The following HDAC9 variants were observed in gnomAD, a reference collection of about 807,000 sequenced individuals.
The protein encoded by HDAC9 is MEF-2 interacting transcription repressor (MITR) protein.
Under a neutral mutation model 139.4 loss-of-function variants are expected in HDAC9, and 41 were observed. That is an observed-to-expected ratio of 0.29 (90% CI 0.23 to 0.38). The LOEUF is 0.38. Ranked by LOEUF, HDAC9 falls within the 10% of genes least tolerant of loss-of-function variation. The pLI, the probability that HDAC9 is intolerant of heterozygous loss-of-function variation, is 1.00. For synonymous variants in HDAC9, 517 were observed against 476.2 expected (o/e 1.09, Z -1.12); for missense variants, 1,147 against 1,297.0 (o/e 0.88, Z 1.78).
chr7:18,729,707 T>C (rs1018345916), intron 13 of HDAC9, among the ~76,000 whole-genome samples: 6 of 152,154 alleles, frequency 3.9e-5, no homozygotes, highest in Non-Finnish European at 8.8e-5. Context: ...GTCAACATTT[T>C]AGTATTTATC....
At chr7:18,231,176 T>A (rs1186155868) in intron 2 of HDAC9, among the ~76,000 whole-genome samples, 1 of 152,164 alleles carries the variant, frequency 6.6e-6, no homozygotes, top group African/African-American at 2.4e-5. Flanking sequence ...TTAGCTGGGA[T>A]CCCAGAACAG....
chr7:18,604,051 T>C (rs925071686), intron 6 of HDAC9, among the ~76,000 whole-genome samples: 4 of 152,146 alleles, frequency 2.6e-5, no homozygotes, highest in African/African-American at 9.6e-5. Context: ...AAGATCTCTT[T>C]ATCTTTTATC....
chr7:18,742,909 C>G (rs1285712151), intron 13 of HDAC9, among the ~76,000 whole-genome samples: 2 of 151,926 alleles, frequency 1.3e-5, no homozygotes, highest in Non-Finnish European at 2.9e-5. Flanking sequence ...CTATCTCTGC[C>G]TTTAGCTTTG....
intron 2 of HDAC9, among the ~76,000 whole-genome samples, chr7:18,177,233 C>T (rs183757977): frequency 2.6e-5 from 4 of 152,256 alleles, no homozygotes; most frequent in Non-Finnish European, 4.4e-5. Flanking sequence ...AAATTGGGTA[C>T]ACCCTGTTAG....
intron 6 of HDAC9, among the ~76,000 whole-genome samples, chr7:18,626,154 G>C (rs1460382124): frequency 2.0e-5 from 3 of 151,998 alleles, no homozygotes; most frequent in African/African-American, 4.8e-5. Context: ...AAAGAAGAGA[G>C]GGGAGGAAAT....
intron 1 of HDAC9, among the ~76,000 whole-genome samples, chr7:18,388,249 C>A (rs1026226414): frequency 1.3e-5 from 2 of 152,076 alleles, no homozygotes; most frequent in Non-Finnish European, 2.9e-5. Context: ...ATTTATGTTC[C>A]CAGTACCCCT....
intron 6 of HDAC9, among the ~76,000 whole-genome samples, chr7:18,596,335 C>G (rs1161046143): frequency 1.3e-5 from 2 of 152,058 alleles, no homozygotes; most frequent in African/African-American, 2.4e-5. Flanking sequence ...TTTCTATACT[C>G]TATCTAAAAT....
intron 21 of HDAC9, among the ~76,000 whole-genome samples, chr7:18,860,903 C>G (rs1798054922): frequency 1.3e-5 from 2 of 152,160 alleles, no homozygotes; most frequent in Admixed American, 1.3e-4. Context: ...TCTCCACACC[C>G]TTGTAGCTCA....
chr7:18,604,571 T>C (rs1177695967), intron 6 of HDAC9, among the ~76,000 whole-genome samples: 6 of 152,064 alleles, frequency 3.9e-5, no homozygotes, highest in Admixed American at 3.9e-4. Context: ...TAATTTTTTT[T>C]TTTAATTTTT....
chr7:18,817,038 G>GTT (rs11308990), intron 17 of HDAC9, among the ~76,000 whole-genome samples: 5 of 140,426 alleles, frequency 3.6e-5, no homozygotes, highest in Non-Finnish European at 3.1e-5. Flanking sequence ...GAAGTTTTTT[G>GTT]TTTTTTTTTT....
At chr7:18,633,339 A>C (rs1391270638) in intron 7 of HDAC9, among the ~76,000 whole-genome samples, 1 of 152,090 alleles carries the variant, frequency 6.6e-6, no homozygotes, top group Non-Finnish European at 1.5e-5. Context: ...CTATATTGCC[A>C]AGGCTTGAAG....
chr7:18,415,877 G>A (rs1789008139), intron 1 of HDAC9, among the ~76,000 whole-genome samples: 1 of 151,910 alleles, frequency 6.6e-6, no homozygotes, highest in African/African-American at 2.4e-5. Flanking sequence ...TAGTTATAGG[G>A]AATTGCACTG....
intron 21 of HDAC9, among the ~76,000 whole-genome samples, chr7:18,848,874 G>A (rs1197064066): frequency 6.6e-6 from 1 of 152,090 alleles, no homozygotes; most frequent in Non-Finnish European, 1.5e-5. Flanking sequence ...TCTAATTGAA[G>A]ACATATAATA....
At chr7:18,392,028 T>G (rs148654573) in intron 1 of HDAC9, among the ~76,000 whole-genome samples, 117 of 152,276 alleles carry the variant, frequency 7.7e-4, no homozygotes, top group African/African-American at 2.7e-3. Flanking sequence ...ATCCTCATAA[T>G]TTAACTAGCA....
intron 12 of HDAC9, chr7:18,666,859 G>T (rs1584788010): frequency 9.7e-7 from 1 of 1,033,964 alleles, no homozygotes; most frequent in Non-Finnish European, 1.2e-6. Flanking sequence ...ATCAGTGACT[G>T]CTGGATAGTC....
chr7:18,266,473 G>A (rs187897191), intron 2 of HDAC9, among the ~76,000 whole-genome samples: 57 of 152,182 alleles, frequency 3.7e-4, no homozygotes, highest in Non-Finnish European at 3.8e-4. Flanking sequence ...AATTGCACAA[G>A]TACCTTTCCT....
chr7:18,516,597 C>T (rs886251563), intron 2 of HDAC9, among the ~76,000 whole-genome samples: 3 of 152,058 alleles, frequency 2.0e-5, no homozygotes, highest in Non-Finnish European at 2.9e-5. Context: ...CAGTGGTTCA[C>T]GCCTGTAATC....
intron 8 of HDAC9, among the ~76,000 whole-genome samples, chr7:18,641,247 T>C (rs1785503535): frequency 6.6e-6 from 1 of 152,102 alleles, no homozygotes; most frequent in Admixed American, 6.6e-5. Context: ...CCCCTCCTAT[T>C]GACATAACAG....
At chr7:18,172,950 C>A (rs916211263) in intron 2 of HDAC9, among the ~76,000 whole-genome samples, 2 of 152,006 alleles carry the variant, frequency 1.3e-5, no homozygotes, top group Admixed American at 1.3e-4. Context: ...GGAGAGTTCT[C>A]TAGCTGTCTA....
Sources: gnomAD v4.1 joint callset for allele counts (sites outside exome capture counted in the v4.1 genomes callset) on GRCh38, gnomAD v4.1.1 for gene constraint, MANE v1.5 for transcripts, NCBI Gene and HGNC (gene_info 2026-07-23, HGNC 2026-07-21) for gene names.